The following ST8SIA6 variants were observed in gnomAD, a reference collection of about 807,000 sequenced individuals.
ST8SIA6 encodes alpha-2,8-sialyltransferase 8F.
A neutral mutation model predicts 33.6 loss-of-function variants in ST8SIA6; 39 were observed. The ratio of observed to expected loss-of-function variants is 1.16; its 90% CI spans 0.90 to 1.52. ST8SIA6 has a LOEUF of 1.52. ST8SIA6 is among the 40% of genes most tolerant of loss of function. The probability of loss-of-function intolerance (pLI) is 0.00; values close to 1 mark genes in which losing one functional copy is unlikely to be tolerated. For missense variants in ST8SIA6, 441 were observed against 443.8 expected (o/e 0.99, Z 0.06); for synonymous variants, 172 against 167.2 (o/e 1.03, Z -0.22).
At position 17,318,200 on chromosome 10, in the gene ST8SIA6, C is replaced by G. The variant is rs1281089462; in HGVS notation, c.*2678G>C. Among the ~76,000 whole-genome samples, 2 of 151,644 alleles carry G rather than the reference C, an allele frequency of 1.3e-5. No homozygotes were observed. Among genetic ancestry groups the G allele is most frequent in the African/African-American group, 4.9e-5 (2 of 41,098 alleles). Reference sequence around the variant, plus strand: ...GTATGCAGCGTTATGAGCTAGAATCCTAACTAAAGGGCTACTTTTTTTTTT... The same window carrying G: ...GTATGCAGCGTTATGAGCTAGAATCGTAACTAAAGGGCTACTTTTTTTTTT... On this transcript the variant is annotated 3_prime_UTR_variant, in exon 8 of 8. Coordinates refer to ENST00000377602, the MANE Select transcript of ST8SIA6 (RefSeq NM_001004470.3).
chr10:17,359,487 T>C, intron 4 of ST8SIA6, 27 bp downstream of exon 4: 2 of 1,500,840 alleles, frequency 1.3e-6, no homozygotes, highest in South Asian at 1.2e-5. Flanking sequence ...ATTTTTAAAA[T>C]CTCATATTAT....
chr10:17,337,798 T>C (rs1848553581), intron 4 of ST8SIA6, among the ~76,000 whole-genome samples: 1 of 152,186 alleles, frequency 6.6e-6, no homozygotes, highest in Non-Finnish European at 1.5e-5. Flanking sequence ...GCTCCCTTCT[T>C]GGGTAAAAAG....
intron 2 of ST8SIA6, among the ~76,000 whole-genome samples, chr10:17,432,903 TAACC>T (rs1852144737): frequency 6.6e-6 from 1 of 152,216 alleles, no homozygotes; most frequent in African/African-American, 2.4e-5. Flanking sequence ...CGCCAACCTG[TAACC>T]AACCCAGCTG....
At chr10:17,438,171 A>C (rs537673397) in intron 2 of ST8SIA6, among the ~76,000 whole-genome samples, 1 of 152,090 alleles carries the variant, frequency 6.6e-6, no homozygotes, top group Non-Finnish European at 1.5e-5. Context: ...TGGTTATGAG[A>C]TCTCCTGTTT....
chr10:17,441,964 G>T (rs978967859), intron 2 of ST8SIA6, among the ~76,000 whole-genome samples: 3 of 151,776 alleles, frequency 2.0e-5, no homozygotes, highest in Non-Finnish European at 2.9e-5. Context: ...CACCTCCCAG[G>T]TTCAAGCGAT....
At chr10:17,409,559 C>T (rs1851379963) in intron 2 of ST8SIA6, 1 of 152,168 alleles carries the variant, frequency 6.6e-6, no homozygotes, top group East Asian at 1.9e-4. Flanking sequence ...ATAGCAAGAC[C>T]CTGCCTATAC....
intron 3 of ST8SIA6, among the ~76,000 whole-genome samples, chr10:17,384,124 G>A (rs1292458028): frequency 3.3e-5 from 5 of 152,094 alleles, no homozygotes; most frequent in African/African-American, 9.7e-5. Context: ...CTTGACTTAC[G>A]GAGCCAATAA....
chr10:17,425,049 C>G (rs1851893821), intron 2 of ST8SIA6, among the ~76,000 whole-genome samples: 1 of 152,006 alleles, frequency 6.6e-6, no homozygotes, highest in South Asian at 2.1e-4. Flanking sequence ...TCAATGTTAA[C>G]TCTAAAAAAA....
chr10:17,376,554 G>C (rs886927518), intron 3 of ST8SIA6, among the ~76,000 whole-genome samples: 3 of 152,130 alleles, frequency 2.0e-5, no homozygotes, highest in African/African-American at 7.2e-5. Flanking sequence ...TTGATTTCCT[G>C]GGTCAGCACC....
At chr10:17,395,272 ATCTT>A (rs1850766692) in intron 2 of ST8SIA6, among the ~76,000 whole-genome samples, 1 of 152,162 alleles carries the variant, frequency 6.6e-6, no homozygotes, top group Admixed American at 6.5e-5. Context: ...TCTCGGGTAT[ATCTT>A]TATTAGCAGC....
chr10:17,403,590 C>T (rs1468849343), intron 2 of ST8SIA6: 2 of 152,188 alleles, frequency 1.3e-5, no homozygotes, highest in African/African-American at 2.4e-5. Flanking sequence ...CTCTTTTTCC[C>T]CTTCTCATTA....
chr10:17,410,116 G>C (rs931448597), intron 2 of ST8SIA6: 1 of 152,190 alleles, frequency 6.6e-6, no homozygotes, highest in Admixed American at 6.5e-5. Flanking sequence ...AAACTGGAGA[G>C]TGTTTGTGTA....
At chr10:17,327,931 AAAAT>A (rs1848187463) in intron 5 of ST8SIA6, among the ~76,000 whole-genome samples, 1 of 104,680 alleles carries the variant, frequency 9.6e-6, no homozygotes, top group African/African-American at 2.7e-5. Context: ...ATGTGTAAGT[AAAAT>A]AAAATAAAAT....
At chr10:17,348,662 C>G (rs1407222758) in intron 4 of ST8SIA6, among the ~76,000 whole-genome samples, 1 of 152,188 alleles carries the variant, frequency 6.6e-6, no homozygotes, top group Non-Finnish European at 1.5e-5. Context: ...GGCATTGTTC[C>G]AGGACGGCTC....
intron 2 of ST8SIA6, chr10:17,399,152 TC>T (rs561914485): frequency 7.1e-4 from 108 of 152,320 alleles, no homozygotes; most frequent in African/African-American, 2.2e-3. Context: ...AGGGGCAGAT[TC>T]TGGCTGCCTT....
intron 2 of ST8SIA6, among the ~76,000 whole-genome samples, chr10:17,421,288 C>T (rs1564456467): frequency 1.3e-5 from 2 of 152,320 alleles, no homozygotes; most frequent in South Asian, 4.1e-4. Flanking sequence ...TCTGTCTTCT[C>T]CTGCTGCTTA....
chr10:17,391,692 ATTTG>A, intron 2 of ST8SIA6, among the ~76,000 whole-genome samples: 1 of 152,254 alleles, frequency 6.6e-6, no homozygotes, highest in African/African-American at 2.4e-5. Context: ...GCCTGGTGCT[ATTTG>A]TTTTATAAAC....
intron 2 of ST8SIA6, among the ~76,000 whole-genome samples, chr10:17,402,707 A>C (rs1851094603): frequency 6.6e-6 from 1 of 151,618 alleles, no homozygotes; most frequent in South Asian, 2.1e-4. Flanking sequence ...TCTCACTCAT[A>C]GGTGGGAATT....
intron 4 of ST8SIA6, among the ~76,000 whole-genome samples, chr10:17,334,569 A>ATT (rs1564405793): frequency 1.7e-5 from 2 of 121,120 alleles, no homozygotes; most frequent in South Asian, 2.6e-4. Context: ...TTATTATTAT[A>ATT]ATAATAAAAT....
Sources: allele counts gnomAD v4.1 joint callset (sites outside exome capture counted in the v4.1 genomes callset), GRCh38; gene constraint gnomAD v4.1.1; transcripts MANE v1.5; gene names NCBI Gene and HGNC (gene_info 2026-07-23, HGNC 2026-07-21).